TBCA: variants seen among roughly 807,000 people sequenced by gnomAD.
TBCA encodes tubulin-specific chaperone A.
TBCA carries 6 observed loss-of-function variants against 15.8 expected under a neutral mutation model. The ratio of observed to expected loss-of-function variants is 0.38; its 90% confidence interval spans 0.21 to 0.75. TBCA has a LOEUF of 0.75. Ranked by LOEUF, TBCA falls within the 30% of genes least tolerant of loss-of-function variation. The probability of loss-of-function intolerance (pLI) is 0.46; values close to 1 mark genes in which losing one functional copy is unlikely to be tolerated. For missense variants in TBCA, 90 were observed against 131.2 expected (o/e 0.69, Z 1.53); for synonymous variants, 32 against 42.3 (o/e 0.76, Z 0.94).
At chr5:77,693,380 C>A in intron 2 of TBCA, 28 bp from the exon 3 acceptor site, 1 of 1,596,814 alleles carries the variant, frequency 6.3e-7, no homozygotes, top group South Asian at 1.1e-5. Context: ...GTGAGACGTT[C>A]AAAGATGGCA....
intron 1 of TBCA, among the ~76,000 whole-genome samples, chr5:77,774,980 TA>T (rs60670191): frequency 5.6e-4 from 81 of 143,412 alleles, no homozygotes; most frequent in East Asian, 1.5e-3. Flanking sequence ...CTACAAAGAT[TA>T]AAAAAAAAAA....
intron 2 of TBCA, among the ~76,000 whole-genome samples, chr5:77,699,735 T>A (rs1745963599): frequency 6.6e-6 from 1 of 152,016 alleles, no homozygotes; most frequent in Non-Finnish European, 1.5e-5. Flanking sequence ...AAATTGGACA[T>A]TCTTGAATTT....
chr5:77,772,917 T>C (rs912836176), intron 1 of TBCA, among the ~76,000 whole-genome samples: 2 of 152,224 alleles, frequency 1.3e-5, no homozygotes, highest in African/African-American at 2.4e-5. Flanking sequence ...ATTGTCAGCA[T>C]ATAACTACTT....
rs1180091515 is a variant in TBCA, at chr5:77,766,512, AT to A, written c.53+9692del. On this transcript the variant is annotated intron_variant, in intron 1 of 3. Transcript: ENST00000380377. ...CTCACTTTTATTTATTTATTTATTT[AT>A]TTTTTTTTTTTTTTGAGACGGAGTC... is the stretch of plus-strand genomic sequence containing the variant. 2.9e-4 allele frequency among the ~76,000 whole-genome samples: 17 copies of A among 58,290 alleles called. 4 individuals are homozygous for A. The highest frequency in any genetic ancestry group is 1.1e-3 in the African/African-American group (15 of 13,106). 38.2% of individuals were successfully genotyped at this position (58,290 alleles called of 152,430 possible).
In TBCA at chr5:77,742,864, GA is replaced by G. The variant is rs1561277349; in HGVS notation, c.53+33340del. ...ACAAAAAACAATATTGTTTCTTTGA[GA>G]AAAAAGACCCAGAAATGGAGATCAA... is the stretch of plus-strand genomic sequence containing the variant. On this transcript the variant is annotated intron_variant, in intron 1 of 3. Transcript: ENST00000380377. Among the ~76,000 whole-genome samples, 5 of 152,184 alleles carry G rather than the reference GA, an allele frequency of 3.3e-5. No individual in the cohort carries two copies. In the South Asian group the frequency reaches 6.2e-4, roughly 19 times the overall value.
At chr5:77,740,706 G>T (rs1272106943) in intron 1 of TBCA, among the ~76,000 whole-genome samples, 1 of 152,172 alleles carries the variant, frequency 6.6e-6, no homozygotes, top group Non-Finnish European at 1.5e-5. Context: ...AAACATAAAT[G>T]TGGCAGTCAT....
intron 1 of TBCA, among the ~76,000 whole-genome samples, chr5:77,749,848 G>T (rs1027247259): frequency 2.0e-5 from 3 of 152,060 alleles, no homozygotes; most frequent in Non-Finnish European, 4.4e-5. Flanking sequence ...TTTAAATGTG[G>T]TATGTCCATT....
chr5:77,740,427 G>T (rs1202423234), intron 1 of TBCA, among the ~76,000 whole-genome samples: 2 of 152,144 alleles, frequency 1.3e-5, no homozygotes, highest in Admixed American at 1.3e-4. Flanking sequence ...GACAAGAGCA[G>T]TAGCTATAGG....
chr5:77,737,547 A>T (rs1746938919), intron 1 of TBCA, among the ~76,000 whole-genome samples: 1 of 152,232 alleles, frequency 6.6e-6, no homozygotes, highest in Non-Finnish European at 1.5e-5. Context: ...TTGTAATGTA[A>T]TACTGAATAA....
chr5:77,697,717 G>A (rs889584462), intron 2 of TBCA, among the ~76,000 whole-genome samples: 2 of 151,822 alleles, frequency 1.3e-5, no homozygotes, highest in Non-Finnish European at 2.9e-5. Context: ...TTCTTGTTTC[G>A]AGAACCTAGA....
intron 1 of TBCA, among the ~76,000 whole-genome samples, chr5:77,747,240 G>A (rs1282040706): frequency 2.0e-5 from 3 of 151,608 alleles, no homozygotes; most frequent in Non-Finnish European, 4.4e-5. Context: ...GAAAATTCTG[G>A]TCTTACTATG....
chr5:77,737,869 T>C (rs1225766323), intron 1 of TBCA, among the ~76,000 whole-genome samples: 2 of 152,226 alleles, frequency 1.3e-5, no homozygotes, highest in East Asian at 3.8e-4. Context: ...TCTCAAAAGT[T>C]GCTGTAAAAT....
At chr5:77,759,294 T>G (rs1267492151) in intron 1 of TBCA, among the ~76,000 whole-genome samples, 1 of 151,992 alleles carries the variant, frequency 6.6e-6, no homozygotes, top group Non-Finnish European at 1.5e-5. Flanking sequence ...AGATAAGGAG[T>G]TGTGGAGATC....
intron 1 of TBCA, among the ~76,000 whole-genome samples, chr5:77,725,338 T>C (rs569204070): frequency 2.0e-5 from 3 of 152,240 alleles, no homozygotes; most frequent in Non-Finnish European, 2.9e-5. Flanking sequence ...CTAAGATTAA[T>C]TGATCATCAA....
At chr5:77,695,544 T>A (rs1274008875) in intron 2 of TBCA, among the ~76,000 whole-genome samples, 2 of 152,186 alleles carry the variant, frequency 1.3e-5, no homozygotes, top group African/African-American at 2.4e-5. Context: ...ATCAAAGCCA[T>A]AAATCATATA....
intron 1 of TBCA, among the ~76,000 whole-genome samples, chr5:77,730,879 C>T (rs1327867239): frequency 6.6e-6 from 1 of 152,198 alleles, no homozygotes; most frequent in Admixed American, 6.5e-5. Flanking sequence ...TATGTTAATA[C>T]ATACAACCCT....
rs1051575042 is a variant in TBCA at position 77,701,918 on chromosome 5, T to G, written c.159+6324A>C. Among the ~76,000 whole-genome samples, 26 of 151,826 alleles carry G rather than the reference T, an allele frequency of 1.7e-4. 1 individual carries two copies. The highest frequency in any genetic ancestry group is 2.9e-5 in the Non-Finnish European group (2 of 67,968). ...TGGATGGGACTGGAGACTATTAGTC[T>G]AAGTGATGTAACTCAGGAATGGAAA... is the stretch of plus-strand genomic sequence containing the variant. On this transcript the variant is annotated intron_variant, in intron 2 of 3. Transcript: ENST00000380377.
chr5:77,719,599 AAT>A (rs1376506208), intron 1 of TBCA, among the ~76,000 whole-genome samples: 2 of 152,224 alleles, frequency 1.3e-5, no homozygotes, highest in Non-Finnish European at 2.9e-5. Context: ...GCTGAAGTAG[AAT>A]ATGTGCTTTA....
intron 2 of TBCA, among the ~76,000 whole-genome samples, chr5:77,705,818 G>C (rs1374786943): frequency 6.6e-6 from 1 of 152,052 alleles, no homozygotes; most frequent in Non-Finnish European, 1.5e-5. Context: ...GCATCACAGA[G>C]AGATCCCACT....
Sources: gnomAD v4.1 joint callset for allele counts (sites outside exome capture counted in the v4.1 genomes callset) on GRCh38, gnomAD v4.1.1 for gene constraint, MANE v1.5 for transcripts, NCBI Gene and HGNC (gene_info 2026-07-23, HGNC 2026-07-21) for gene names.